The following UNC5D variants were observed in gnomAD, a reference collection of about 807,000 sequenced individuals.
The protein encoded by UNC5D is unc-5 netrin receptor D, also known as netrin receptor UNC5D.
In UNC5D, 39 loss-of-function variants were observed where a neutral mutation model predicts 105.4. That is an observed-to-expected ratio of 0.37 (90% CI 0.29 to 0.48). The LOEUF is 0.48. Among genes scored for constraint, UNC5D ranks in the 20% least tolerant of loss-of-function variants. The probability of loss-of-function intolerance (pLI) is 0.98; values close to 1 mark genes in which losing one functional copy is unlikely to be tolerated. For synonymous variants in UNC5D, 452 were observed against 450.4 expected, an observed-to-expected ratio of 1.00 and a Z score of -0.04; for missense variants, 991 against 1,202.4, an observed-to-expected ratio of 0.82 and a Z score of 2.60.
intron 3 of UNC5D, among the ~76,000 whole-genome samples, chr8:35,578,914 C>T (rs1024704045): frequency 3.9e-5 from 6 of 152,126 alleles, no homozygotes; most frequent in African/African-American, 1.4e-4. Flanking sequence ...TTATTGCCAA[C>T]GATTATTTTA....
chr8:35,695,626 C>A (rs902884055), intron 7 of UNC5D, among the ~76,000 whole-genome samples: 1 of 151,874 alleles, frequency 6.6e-6, no homozygotes, highest in African/African-American at 2.4e-5. Context: ...GCAGTTCTTG[C>A]CATATTGAGA....
intron 1 of UNC5D, among the ~76,000 whole-genome samples, chr8:35,545,495 G>A (rs1250657552): frequency 6.6e-6 from 1 of 152,094 alleles, no homozygotes; most frequent in Non-Finnish European, 1.5e-5. Flanking sequence ...CTGCTGAGGG[G>A]ATTAAGCCCT....
At chr8:35,331,002 A>G (rs565377474) in intron 1 of UNC5D, among the ~76,000 whole-genome samples, 2 of 152,066 alleles carry the variant, frequency 1.3e-5, no homozygotes, top group South Asian at 2.1e-4. Flanking sequence ...GTTGCTTTGG[A>G]TGGGTTGGTT....
chr8:35,597,251 A>C (rs951619690), intron 4 of UNC5D, among the ~76,000 whole-genome samples: 2 of 152,226 alleles, frequency 1.3e-5, no homozygotes, highest in African/African-American at 4.8e-5. Context: ...CACTCCATGC[A>C]TGATGTAAAA....
intron 3 of UNC5D, among the ~76,000 whole-genome samples, chr8:35,589,504 C>T (rs937029827): frequency 6.6e-6 from 1 of 151,310 alleles, no homozygotes; most frequent in Non-Finnish European, 1.5e-5. Flanking sequence ...AATCCACATA[C>T]CATGCAGTTT....
intron 1 of UNC5D, among the ~76,000 whole-genome samples, chr8:35,503,845 G>A (rs2130269882): frequency 6.6e-6 from 1 of 152,074 alleles, no homozygotes; most frequent in South Asian, 2.1e-4. Flanking sequence ...AAAGAGAATG[G>A]GACAGTCAAA....
At chr8:35,392,222 T>C (rs1173829597) in intron 1 of UNC5D, among the ~76,000 whole-genome samples, 1 of 152,130 alleles carries the variant, frequency 6.6e-6, no homozygotes, top group South Asian at 2.1e-4. Context: ...CCTCCACTTT[T>C]CGTTTGAGTC....
chr8:35,348,043 AG>A, intron 1 of UNC5D, among the ~76,000 whole-genome samples: 1 of 152,124 alleles, frequency 6.6e-6, no homozygotes, highest in South Asian at 2.1e-4. Flanking sequence ...AAGTGAAACA[AG>A]GCAATACAAA....
intron 1 of UNC5D, among the ~76,000 whole-genome samples, chr8:35,441,924 T>A (rs974473106): frequency 1.3e-5 from 2 of 151,848 alleles, no homozygotes; most frequent in African/African-American, 4.8e-5. Context: ...CTTGTGCCAA[T>A]AGAATTCTGA....
chr8:35,626,260 TA>T (rs1212598356), intron 4 of UNC5D, among the ~76,000 whole-genome samples: 2 of 151,932 alleles, frequency 1.3e-5, no homozygotes, highest in African/African-American at 4.8e-5. Flanking sequence ...ATATAAACTC[TA>T]TATATTATTC....
rs192286474 is a variant in UNC5D, at chr8:35,252,688, T to C, written c.103+16801T>C. ...CAGTAAAATTTGGGTGATTATCAGA[T>C]TTTTTTCTAGCATGAAAAATGCTAC... On this transcript the variant is annotated intron_variant, in intron 1 of 16. Transcript: ENST00000404895. Among the ~76,000 whole-genome samples the C allele has an allele frequency of 2.0e-3, 297 of 152,294 alleles. 5 individuals carry two copies. Among genetic ancestry groups the C allele is most frequent in the Middle Eastern group, 0.017 (5 of 294 alleles).
At chr8:35,236,125 G>A (rs1802443037) in intron 1 of UNC5D, among the ~76,000 whole-genome samples, 1 of 152,190 alleles carries the variant, frequency 6.6e-6, no homozygotes, top group African/African-American at 2.4e-5. Flanking sequence ...CCGTTTTCCT[G>A]GACCCTCCTT....
chr8:35,239,125 T>C (rs866053281), intron 1 of UNC5D, among the ~76,000 whole-genome samples: 4 of 152,210 alleles, frequency 2.6e-5, no homozygotes, highest in Non-Finnish European at 5.9e-5. Flanking sequence ...TAATAAGAGA[T>C]TAATTGTTCT....
intron 1 of UNC5D, among the ~76,000 whole-genome samples, chr8:35,332,564 A>G (rs895189352): frequency 3.9e-5 from 6 of 152,386 alleles, no homozygotes; most frequent in Non-Finnish European, 7.3e-5. Flanking sequence ...TGGTCAGACC[A>G]TGATAGTTTC....
intron 11 of UNC5D, among the ~76,000 whole-genome samples, chr8:35,748,297 T>C (rs1004682602): frequency 1.3e-5 from 2 of 152,222 alleles, no homozygotes; most frequent in Non-Finnish European, 2.9e-5. Flanking sequence ...TGTCATTTTG[T>C]TGGTGGGTTT....
chr8:35,269,539 T>G (rs1805128691), intron 1 of UNC5D, among the ~76,000 whole-genome samples: 1 of 152,222 alleles, frequency 6.6e-6, no homozygotes, highest in Non-Finnish European at 1.5e-5. Context: ...GTTGATTAGT[T>G]TTTTTAAGTT....
intron 1 of UNC5D, among the ~76,000 whole-genome samples, chr8:35,286,307 C>G (rs1806595067): frequency 6.6e-6 from 1 of 152,136 alleles, no homozygotes; most frequent in South Asian, 2.1e-4. Flanking sequence ...GAATACCAAC[C>G]CAAATATTCA....
chr8:35,632,496 C>T (rs1157754432), intron 4 of UNC5D, among the ~76,000 whole-genome samples: 4 of 152,212 alleles, frequency 2.6e-5, no homozygotes, highest in African/African-American at 9.6e-5. Context: ...ACCTGATTGT[C>T]CTCTGATACA....
chr8:35,611,271 T>C (rs1489372797), intron 4 of UNC5D, among the ~76,000 whole-genome samples: 1 of 152,020 alleles, frequency 6.6e-6, no homozygotes, highest in Non-Finnish European at 1.5e-5. Context: ...CCGTGAGCTC[T>C]ACCTCTCCCA....
Sources: allele counts gnomAD v4.1 joint callset (sites outside exome capture counted in the v4.1 genomes callset), GRCh38; gene constraint gnomAD v4.1.1; transcripts MANE v1.5; gene names NCBI Gene and HGNC (gene_info 2026-07-23, HGNC 2026-07-21).